Variants in ZNF850 observed in about 807,000 individuals in gnomAD.
The protein encoded by ZNF850 is putative zinc finger protein ENSP00000330994.
A neutral mutation model predicts 11.9 loss-of-function variants in ZNF850; 2 were observed. The observed-to-expected ratio is 0.17, with a 90% confidence interval of 0.07 to 0.53. ZNF850 has a LOEUF of 0.53. Among genes scored for constraint, ZNF850 ranks in the 20% least tolerant of loss-of-function variants. The pLI is 0.94. For missense variants in ZNF850, 1,014 were observed against 1,316.4 expected, an observed-to-expected ratio of 0.77 and a Z score of 3.55; for synonymous variants, 381 against 443.0, an observed-to-expected ratio of 0.86 and a Z score of 1.76.
Position 36,743,840 on chromosome 19 carries a change from T to C in ZNF850, c.*3927A>G, listed in dbSNP as rs1354812950. The C allele has an allele frequency of 6.6e-6, 1 of 152,198 alleles. No individual in the cohort carries two copies. Among genetic ancestry groups the C allele is most frequent in the Non-Finnish European group, 1.5e-5 (1 of 68,032 alleles). The allele number at this position is 152,198 out of a possible 1,614,324, so 9.4% of individuals were successfully genotyped here. ...CGTAAAGATGTCAATAATGATTCTT[T>C]TCTTTCTAATACTATGGCAGAGGAG... On this transcript the variant is annotated 3_prime_UTR_variant, in exon 5 of 5. Transcript: ENST00000591344.
chr19:36,750,316 G>C lies in ZNF850; in HGVS notation c.724C>G (p.Gln242Glu). The change falls in exon 5 of 5, where the codon CAA (glutamine) becomes GAA (glutamate). Residue 242 changes from glutamine to glutamate, a missense_variant. Physicochemically the swap from Gln to Glu is conservative, Grantham distance 29. This residue lies in a region of ZNF850 where 835 missense variants were observed against 1,022.0 expected (regional missense o/e 0.82). Transcript: ENST00000591344. ...KAFISGSHLI[Q>E]HQKMYTDERP... The stretch of plus-strand genomic sequence containing the variant: ...TCATCTGTATACATTTTCTGGTGTT[G>C]AATAAGATGTGAGCCAGAAATAAAA... The C allele has an allele frequency of 6.5e-7, 1 of 1,536,604 alleles. No homozygotes were observed. Among genetic ancestry groups the C allele is most frequent in the Non-Finnish European group, 8.7e-7 (1 of 1,146,902 alleles).
chr19:36,753,422 C>CAAAA (rs58851544), intron 4 of ZNF850, among the ~76,000 whole-genome samples: 3,738 of 46,502 alleles, frequency 0.08, 910 homozygotes, highest in African/African-American at 0.11. Flanking sequence ...GACACTGTCT[C>CAAAA]AAAAAAAAAA....
rs1302534631 is a variant in ZNF850 at position 36,746,042 on chromosome 19, A to G, written c.*1725T>C. ...CTCATATCTCATCTTGTGACTTAGA[A>G]TGACTTATCTGTCTAGGAATGCAGT... On this transcript the variant is annotated 3_prime_UTR_variant, in exon 5 of 5. Transcript: ENST00000591344. 1 of 152,166 alleles carries G rather than the reference A, an allele frequency of 6.6e-6. No individual in the cohort carries two copies. The highest frequency in any genetic ancestry group is 1.9e-4 in the East Asian group (1 of 5,188). 9.4% of individuals were successfully genotyped at this position (152,166 alleles called of 1,614,324 possible).
intron 1 of ZNF850, among the ~76,000 whole-genome samples, chr19:36,765,582 A>ATTTTT (rs371481745): frequency 8.0e-6 from 1 of 124,412 alleles, no homozygotes; most frequent in Non-Finnish European, 1.6e-5. Context: ...CAAAGTAAAG[A>ATTTTT]TTTTTTTTTT....
chr19:36,762,548 T>C lies in ZNF850; in HGVS notation c.12+47A>G, dbSNP rs189245837. On this transcript the variant is annotated intron_variant, in intron 2 of 4. Coordinates refer to ENST00000591344, the MANE Select transcript of ZNF850 (RefSeq NM_001193552.2). ...AATACAGTGAGCAGACCAGCTAGGA[T>C]GAGAGTGGGGAAGAGTAAAAAAATT... 107 of 1,536,202 alleles carry C rather than the reference T, an allele frequency of 7.0e-5. 1 individual carries two copies. Among genetic ancestry groups the C allele is most frequent in the South Asian group, 5.2e-4 (44 of 84,040 alleles).
intron 1 of ZNF850, among the ~76,000 whole-genome samples, chr19:36,770,212 G>A (rs1228329227): frequency 6.6e-6 from 1 of 152,148 alleles, no homozygotes; most frequent in African/African-American, 2.4e-5. Context: ...ACCCCTTTTG[G>A]GTTTGTAAGG....
intron 1 of ZNF850, among the ~76,000 whole-genome samples, 187 bp from the exon 2 acceptor site, chr19:36,762,862 T>G (rs73037146): frequency 0.18 from 26,972 of 148,266 alleles, 2,500 homozygotes; most frequent in Middle Eastern, 0.21. Flanking sequence ...TTCTTTCTTG[T>G]TTTTTTTTTT....
Position 36,749,373 on chromosome 19 carries a change from G to T in ZNF850, c.1667C>A (p.Thr556Asn), listed in dbSNP as rs751904068. The part of the protein sequence containing the change: ...SGLIGHQAVH[T>N]GEKPYDCKEC... ...TTTACAATCATAGGGTTTCTCACCA[G>T]TGTGAACTGCCTGATGTCCAATTAG... The change falls in exon 5 of 5, where the codon ACT (threonine) becomes AAT (asparagine). Residue 556 changes from threonine (T) to asparagine (N), a missense_variant. This residue lies in a region of ZNF850 where 835 missense variants were observed against 1,022.0 expected (regional missense o/e 0.82). Coordinates refer to ENST00000591344, the MANE Select transcript of ZNF850 (RefSeq NM_001193552.2). 6.5e-7 allele frequency: 1 copy of T among 1,549,852 alleles called. No homozygotes were observed. Among genetic ancestry groups the T allele is most frequent in the South Asian group, 1.2e-5 (1 of 84,876 alleles).
In ZNF850 at chr19:36,748,146, C is replaced by T. The variant is rs747305817; in HGVS notation, c.2894G>A (p.Arg965His). The change falls in exon 5 of 5, where the codon CGT becomes CAT. Residue 965 changes from arginine to histidine, a missense_variant. This residue lies in a region of ZNF850 where 179 missense variants were observed against 294.4 expected (regional missense o/e 0.61). Transcript: ENST00000591344. ...TCTCTGATGTAGAGTAAGGTGTGTA[C>T]GCTGTCTGAAGGACTTCCCACATGT... ...CKTCGKSFRQ[R>H]THLTLHQRIH... 5.2e-6 allele frequency: 8 copies of T among 1,539,180 alleles called. No individual in the cohort carries two copies. Among genetic ancestry groups the T allele is most frequent in the East Asian group, 4.9e-5 (2 of 40,476 alleles).
intron 1 of ZNF850, among the ~76,000 whole-genome samples, chr19:36,771,136 C>T (rs1301040098): frequency 6.6e-6 from 1 of 152,082 alleles, no homozygotes; most frequent in Admixed American, 6.6e-5. Context: ...CTTTCTCTCA[C>T]GGCCAAGAAA....
chr19:36,757,049 G>A (rs1487643049), intron 4 of ZNF850, among the ~76,000 whole-genome samples: 1 of 152,174 alleles, frequency 6.6e-6, no homozygotes, highest in African/African-American at 2.4e-5. Context: ...CATTCCAAAT[G>A]TAGGCACATT....
In ZNF850 at chr19:36,749,839, A is replaced by G. The variant is rs781348018; in HGVS notation, c.1201T>C (p.Ser401Pro). Residue 401 changes from serine to proline, a missense_variant, in exon 5 of 5, where the codon TCT becomes CCT. Coordinates refer to ENST00000591344, the MANE Select transcript of ZNF850 (RefSeq NM_001193552.2). ...KPYDCKECGK[S>P]FTFRSGLIGH... ...ATTAACCCTGAGCGAAAAGTAAAAG[A>G]TTTCCCACATTCCTTACAATCATAG... is the stretch of plus-strand genomic sequence containing the variant. 3 of 1,573,580 alleles carry G rather than the reference A, an allele frequency of 1.9e-6. No individual in the cohort carries two copies. In the African/African-American group the frequency reaches 4.1e-5, roughly 21 times the overall value.
At chr19:36,767,271 A>G (rs1266524277) in intron 1 of ZNF850, among the ~76,000 whole-genome samples, 1 of 150,292 alleles carries the variant, frequency 6.7e-6, no homozygotes, top group African/African-American at 2.4e-5. Context: ...TAAAAATACA[A>G]AAAAGTCGGG....
Position 36,748,665 on chromosome 19 carries a change from T to C in ZNF850, c.2375A>G (p.Lys792Arg), listed in dbSNP as rs1328570803. 1 of 1,537,612 alleles carries C rather than the reference T, an allele frequency of 6.5e-7. No individual in the cohort carries two copies. The highest frequency in any genetic ancestry group is 1.2e-5 in the South Asian group (1 of 84,072). Reference sequence around the variant, plus strand: ...TAGTGTTGAATGAGAAGTAAAAGATTTCCCACATTCCTTACAATCATAGAG... The same window carrying C: ...TAGTGTTGAATGAGAAGTAAAAGATCTCCCACATTCCTTACAATCATAGAG... ...EKLYDCKECG[K>R]SFTSHSTLIQ... The change falls in exon 5 of 5, where the codon AAA (lysine) becomes AGA (arginine). Residue 792 changes from lysine to arginine, a missense_variant. Lys to Arg is a conservative substitution (Grantham distance 26). Transcript: ENST00000591344.
chr19:36,754,343 G>C (rs1168715409), intron 4 of ZNF850, among the ~76,000 whole-genome samples: 2 of 152,008 alleles, frequency 1.3e-5, no homozygotes, highest in African/African-American at 4.8e-5. Flanking sequence ...TGAATAGAAA[G>C]CTAGGGTCTT....
At position 36,750,807 on chromosome 19, in the gene ZNF850, GA is replaced by G; in HGVS notation, c.236-4del. On this transcript the variant is annotated splice_polypyrimidine_tract_variant and splice_region_variant and intron_variant, in intron 4 of 4. Coordinates refer to ENST00000591344, the MANE Select transcript of ZNF850 (RefSeq NM_001193552.2). ...GGTCTTACATCTAAACTCCGAGTCTGAAAAATAACCAGAAAGCAAAAACATA... is the reference window on the plus strand; with the variant it reads ...GGTCTTACATCTAAACTCCGAGTCTGAAAATAACCAGAAAGCAAAAACATA... 1 of 1,487,636 alleles carries G rather than the reference GA, an allele frequency of 6.7e-7. No individual in the cohort carries two copies. Among genetic ancestry groups the G allele is most frequent in the Non-Finnish European group, 8.9e-7 (1 of 1,124,644 alleles). 92.2% of individuals were successfully genotyped at this position (1,487,636 alleles called of 1,614,324 possible). A position where few individuals can be genotyped will look rare whatever the true frequency, so the allele number is the denominator to read the frequency against.
At chr19:36,765,506 T>C (rs2040543779) in intron 1 of ZNF850, among the ~76,000 whole-genome samples, 1 of 152,220 alleles carries the variant, frequency 6.6e-6, no homozygotes, top group Admixed American at 6.5e-5. Context: ...AGTAAATGTT[T>C]TTCGTATTAA....
At chr19:36,755,571 C>T (rs368459993) in intron 4 of ZNF850, among the ~76,000 whole-genome samples, 3 of 151,742 alleles carry the variant, frequency 2.0e-5, no homozygotes, top group African/African-American at 7.3e-5. Flanking sequence ...TATCATGGGC[C>T]GGGCTGTGTC....
chr19:36,755,440 T>C (rs1429102482), intron 4 of ZNF850, among the ~76,000 whole-genome samples: 2 of 152,122 alleles, frequency 1.3e-5, no homozygotes, highest in Non-Finnish European at 2.9e-5. Context: ...TTGGCCAGGC[T>C]GGTCTCAAAC....
Sources: allele counts gnomAD v4.1 joint callset (sites outside exome capture counted in the v4.1 genomes callset), GRCh38; gene constraint gnomAD v4.1.1; regional missense constraint gnomAD v4.1.1; transcripts MANE v1.5; gene names NCBI Gene and HGNC (gene_info 2026-07-23, HGNC 2026-07-21).